The following CDC14B variants were observed in gnomAD, a reference collection of about 807,000 sequenced individuals.
CDC14B encodes cell division cycle 14B.
A neutral mutation model predicts 64.2 loss-of-function variants in CDC14B; 22 were observed. The ratio of observed to expected loss-of-function variants is 0.34; its 90% CI spans 0.24 to 0.49. The LOEUF is 0.49. Ranked by LOEUF, CDC14B falls within the 20% of genes least tolerant of loss-of-function variation. The pLI is 0.99. For synonymous variants in CDC14B, 191 were observed against 215.8 expected (o/e 0.89, Z 1.01); for missense variants, 498 against 629.9 (o/e 0.79, Z 2.24).
intron 1 of CDC14B, among the ~76,000 whole-genome samples, chr9:96,612,077 C>T (rs111387380): frequency 6.6e-6 from 1 of 152,140 alleles, no homozygotes; most frequent in African/African-American, 2.4e-5. Flanking sequence ...GTTTATTCCT[C>T]CTTTTACAGG....
At chr9:96,595,519 G>C (rs961675003) in intron 1 of CDC14B, among the ~76,000 whole-genome samples, 4 of 152,278 alleles carry the variant, frequency 2.6e-5, no homozygotes, top group Admixed American at 2.6e-4. Flanking sequence ...ACTTGTACGT[G>C]AATGTTCTTA....
At chr9:96,496,658 C>T (rs879297606), downstream of CDC14B, among the ~76,000 whole-genome samples, 2 of 152,230 alleles carry the variant, frequency 1.3e-5, no homozygotes, top group Non-Finnish European at 2.9e-5. Flanking sequence ...GCAATCCAGG[C>T]GCAGGCAAGG....
At chr9:96,578,700 G>C (rs1487005814) in intron 1 of CDC14B, among the ~76,000 whole-genome samples, 1 of 152,192 alleles carries the variant, frequency 6.6e-6, no homozygotes, top group Non-Finnish European at 1.5e-5. Flanking sequence ...TAGGTGACTA[G>C]GCAGATGACA....
intron 6 of CDC14B, among the ~76,000 whole-genome samples, chr9:96,539,889 C>A (rs940476055): frequency 5.3e-5 from 8 of 152,130 alleles, no homozygotes; most frequent in Admixed American, 2.0e-4. Flanking sequence ...ATCCCTGAGC[C>A]AAACAGGAGG....
rs147561760 is a variant in CDC14B, at chr9:96,534,058, C to T, written c.815G>A (p.Arg272His). ...RLNKRMYDAK[R>H]FTDAGFDHHD... ...GTGATCGAAGCCAGCATCCGTAAAG[C>T]GTTTGGCATCATACATCCTTTTATT... The change falls in exon 9 of 14, where the codon CGC becomes CAC. Residue 272 changes from arginine to histidine, a missense_variant. Transcript: ENST00000375241. 390 of 1,612,726 alleles carry T rather than the reference C, an allele frequency of 2.4e-4. 1 individual carries two copies. Among genetic ancestry groups the T allele is most frequent in the Middle Eastern group, 9.9e-4 (6 of 6,084 alleles).
At chr9:96,533,161 G>T (rs1838752401) in intron 9 of CDC14B, among the ~76,000 whole-genome samples, 1 of 152,038 alleles carries the variant, frequency 6.6e-6, no homozygotes, top group South Asian at 2.1e-4. Context: ...TAGAGACAGG[G>T]TTTCACTATT....
intron 1 of CDC14B, among the ~76,000 whole-genome samples, chr9:96,614,781 A>G (rs1847522619): frequency 6.6e-6 from 1 of 152,186 alleles, no homozygotes; most frequent in African/African-American, 2.4e-5. Context: ...GACTAGTAAC[A>G]GCTCATTCTG....
intron 13 of CDC14B, among the ~76,000 whole-genome samples, chr9:96,494,547 T>G (rs1475716588): frequency 1.1e-5 from 1 of 87,814 alleles, no homozygotes; most frequent in African/African-American, 9.1e-5. Flanking sequence ...CCTGGAAAGC[T>G]CTCTGCCTGG....
Position 96,515,327 on chromosome 9 carries a change from C to A in CDC14B, c.1344-5538G>T, listed in dbSNP as rs968342617. ...CACCCCAATTATCCTAAGCTAACTA[C>A]TTTTGATAGGGAAGAAAAACTGTTT... is the stretch of plus-strand genomic sequence containing the variant. On this transcript the variant is annotated intron_variant, in intron 12 of 13. Transcript: ENST00000375241. The surrounding 1 kb of genome is among the most constrained non-coding windows in gnomAD (Gnocchi z 4.3). Among the ~76,000 whole-genome samples, 2 of 131,914 alleles carry A rather than the reference C, an allele frequency of 1.5e-5. No homozygotes were observed. Among genetic ancestry groups the A allele is most frequent in the Non-Finnish European group, 3.5e-5 (2 of 57,808 alleles). The allele number at this position is 131,914 out of a possible 152,430, so 86.5% of individuals were successfully genotyped here. A position where few individuals can be genotyped will look rare whatever the true frequency, so the allele number is the denominator to read the frequency against.
chr9:96,603,944 T>A (rs1450653178), intron 1 of CDC14B, among the ~76,000 whole-genome samples: 1 of 152,210 alleles, frequency 6.6e-6, no homozygotes, highest in Non-Finnish European at 1.5e-5. Context: ...TAGATCCACC[T>A]TGAAACATTC....
intron 1 of CDC14B, among the ~76,000 whole-genome samples, chr9:96,571,278 C>A (rs867250664): frequency 2.6e-5 from 4 of 151,770 alleles, no homozygotes; most frequent in South Asian, 4.2e-4. Flanking sequence ...TGGGTTCAAG[C>A]GATTCTCCTG....
At chr9:96,576,833 T>C (rs1052519792) in intron 1 of CDC14B, among the ~76,000 whole-genome samples, 10 of 152,232 alleles carry the variant, frequency 6.6e-5, no homozygotes, top group African/African-American at 2.2e-4. Flanking sequence ...GTTTTCAATA[T>C]AGAACACAAA....
At chr9:96,498,622 GA>G (rs1833348052), downstream of CDC14B, among the ~76,000 whole-genome samples, 1 of 152,208 alleles carries the variant, frequency 6.6e-6, no homozygotes, top group Admixed American at 6.5e-5. Flanking sequence ...AAAAATATCA[GA>G]AACTGAGGGA....
chr9:96,506,474 G>A (rs983010694), intron 13 of CDC14B, among the ~76,000 whole-genome samples: 6 of 152,162 alleles, frequency 3.9e-5, no homozygotes, highest in Non-Finnish European at 8.8e-5. Flanking sequence ...TGTGAACACA[G>A]GACAAAGTCC....
At chr9:96,586,161 A>AT (rs903064715) in intron 1 of CDC14B, among the ~76,000 whole-genome samples, 1 of 151,536 alleles carries the variant, frequency 6.6e-6, no homozygotes, top group Non-Finnish European at 1.5e-5. Flanking sequence ...ATTACACTTG[A>AT]TTTTTTTAAA....
downstream of CDC14B, among the ~76,000 whole-genome samples, chr9:96,498,205 G>C (rs959556961): frequency 6.6e-6 from 1 of 152,194 alleles, no homozygotes. Flanking sequence ...TAGACACACA[G>C]AGGAGGGGGA....
chr9:96,551,887 AG>A lies in CDC14B; in HGVS notation c.421-16del, dbSNP rs774631237. 2 of 1,591,720 alleles carry A rather than the reference AG, an allele frequency of 1.3e-6. No homozygotes were observed. Among genetic ancestry groups the A allele is most frequent in the East Asian group, 4.5e-5 (2 of 44,668 alleles). The stretch of plus-strand genomic sequence containing the variant: ...AAATATATAACCTATGTTTGAAAAA[AG>A]AAGAAAAAGGCAATTTATTTCTAAG... On this transcript the variant is annotated splice_polypyrimidine_tract_variant and intron_variant, in intron 4 of 13. Coordinates refer to ENST00000375241, the MANE Select transcript of CDC14B (RefSeq NM_033331.4).
chr9:96,495,553 G>A (rs1430605193), downstream of CDC14B, among the ~76,000 whole-genome samples: 4 of 152,326 alleles, frequency 2.6e-5, no homozygotes, highest in East Asian at 1.9e-4. Context: ...TGAGGAAAAC[G>A]TTTCAAGTAT....
chr9:96,561,700 G>A (rs552625355), intron 4 of CDC14B, among the ~76,000 whole-genome samples: 18 of 151,470 alleles, frequency 1.2e-4, no homozygotes, highest in African/African-American at 4.4e-4. Context: ...TGTTAACCAG[G>A]ATGGTCTCGA....
Sources: gnomAD v4.1 joint callset for allele counts (sites outside exome capture counted in the v4.1 genomes callset) on GRCh38, gnomAD v4.1.1 for gene constraint, Gnocchi (gnomAD v3.1) non-coding constraint, MANE v1.5 for transcripts, NCBI Gene and HGNC (gene_info 2026-07-23, HGNC 2026-07-21) for gene names.